PRELID2: variants seen among roughly 807,000 people sequenced by gnomAD.
The protein encoded by PRELID2 is PRELI domain-containing protein 2.
In PRELID2, 25 loss-of-function variants were observed where a neutral mutation model predicts 28.4. The observed-to-expected ratio is 0.88, with a 90% CI of 0.64 to 1.23. The LOEUF is 1.23. PRELID2 is among the 50% of genes most tolerant of loss of function. The pLI, the probability that PRELID2 is intolerant of heterozygous loss-of-function variation, is 0.00. For synonymous variants in PRELID2, 76 were observed against 71.6 expected (o/e 1.06, Z -0.31); for missense variants, 201 against 214.4 (o/e 0.94, Z 0.39).
At chr5:145,307,097 A>G in the PRELID2 span, among the ~76,000 whole-genome samples, 2 of 152,150 alleles carry the variant, frequency 1.3e-5, no homozygotes, top group Non-Finnish European at 2.9e-5. Context: ...ATTTTCTTCT[A>G]TTCCTTGCTT....
At chr5:145,737,431 A>C (rs1331522836) in intron 1 of PRELID2, among the ~76,000 whole-genome samples, 5 of 152,260 alleles carry the variant, frequency 3.3e-5, no homozygotes, top group Non-Finnish European at 5.9e-5. Context: ...TTATTTAAAA[A>C]AAAAACAAAA....
intron 1 of PRELID2, among the ~76,000 whole-genome samples, chr5:145,661,658 C>T (rs368026065): frequency 5.6e-4 from 46 of 81,564 alleles, no homozygotes; most frequent in African/African-American, 2.0e-3. Flanking sequence ...TAAAAACAAA[C>T]AAGCCATTAA....
At chr5:145,828,957 C>T (rs1403999592) in intron 1 of PRELID2, among the ~76,000 whole-genome samples, 1 of 151,530 alleles carries the variant, frequency 6.6e-6, no homozygotes, top group African/African-American at 2.4e-5. Context: ...CCTAACTCAG[C>T]CTCCCGAGTA....
chr5:145,784,626 T>C (rs1179402578), intron 5 of PRELID2, among the ~76,000 whole-genome samples: 1 of 152,138 alleles, frequency 6.6e-6, no homozygotes, highest in Non-Finnish European at 1.5e-5. Context: ...TTATTCATAA[T>C]AGTGAAGAAA....
At chr5:145,712,723 C>T (rs1231533308) in intron 1 of PRELID2, among the ~76,000 whole-genome samples, 1 of 151,756 alleles carries the variant, frequency 6.6e-6, no homozygotes, top group African/African-American at 2.4e-5. Context: ...AGATATGGCT[C>T]ACATGTTGAA....
intron 1 of PRELID2, among the ~76,000 whole-genome samples, chr5:145,624,374 T>C (rs573607806): frequency 3.9e-4 from 60 of 152,340 alleles, no homozygotes; most frequent in African/African-American, 1.3e-3. Context: ...TCCAGTCTTC[T>C]AATCATGTCT....
chr5:145,517,941 T>C (rs1166860561), intron 1 of PRELID2, among the ~76,000 whole-genome samples: 2 of 151,996 alleles, frequency 1.3e-5, no homozygotes, highest in Non-Finnish European at 2.9e-5. Context: ...TGTTGAACTA[T>C]GAGAACACAT....
chr5:145,749,110 C>T (rs909714820), intron 1 of PRELID2, among the ~76,000 whole-genome samples: 2 of 152,016 alleles, frequency 1.3e-5, no homozygotes, highest in Non-Finnish European at 2.9e-5. Context: ...GCAACAAAAG[C>T]CAAAATTGAC....
rs1181624545 is a variant in PRELID2, at chr5:145,553,182, ACC to A, written n.71-79869_71-79868del. ...TGAAATATATACCAGTTGCTAGAGG[ACC>A]CCCCCCCCCAAAAAAAAAGGGAGCT... is the stretch of plus-strand genomic sequence containing the variant. On this transcript the variant is annotated intron_variant and non_coding_transcript_variant, in intron 1 of 2. Coordinates refer to the PRELID2 transcript ENST00000510259. Among the ~76,000 whole-genome samples the A allele has an allele frequency of 2.2e-3, 236 of 106,656 alleles. 1 individual carries two copies. The highest frequency in any genetic ancestry group is 8.3e-3 in the African/African-American group (231 of 27,716). The allele number at this position is 106,656 out of a possible 152,430, so 70.0% of individuals were successfully genotyped here. A position where few individuals can be genotyped will look rare whatever the true frequency, so the allele number is the denominator to read the frequency against.
chr5:145,232,986 T>TAC, the PRELID2 span, among the ~76,000 whole-genome samples: 11 of 133,788 alleles, frequency 8.2e-5, no homozygotes, highest in African/African-American at 1.3e-4. Context: ...TATATATACG[T>TAC]GTGTGTGTGT....
At chr5:145,778,471 C>T (rs1420892656) in intron 5 of PRELID2, among the ~76,000 whole-genome samples, 2 of 152,210 alleles carry the variant, frequency 1.3e-5, no homozygotes, top group Non-Finnish European at 2.9e-5. Flanking sequence ...TTTTGTCTTA[C>T]TCATCCTCCA....
chr5:145,393,023 C>T, the PRELID2 span, among the ~76,000 whole-genome samples: 8 of 152,144 alleles, frequency 5.3e-5, no homozygotes, highest in African/African-American at 1.7e-4. Flanking sequence ...CTTTACCTGG[C>T]GAAGCACCAA....
At chr5:145,658,214 A>C (rs1242675885) in intron 1 of PRELID2, among the ~76,000 whole-genome samples, 1 of 152,238 alleles carries the variant, frequency 6.6e-6, no homozygotes, top group Admixed American at 6.5e-5. Flanking sequence ...TGAACAAAAA[A>C]ATGTTAAAGG....
intron 5 of PRELID2, among the ~76,000 whole-genome samples, chr5:145,784,703 C>T (rs4460183): frequency 0.83 from 126,076 of 151,806 alleles, 52,554 homozygotes; most frequent in East Asian, 0.91. Flanking sequence ...AATCATGTTT[C>T]CAAGGAATAT....
At chr5:145,456,407 AG>A in the PRELID2 span, among the ~76,000 whole-genome samples, 1 of 152,132 alleles carries the variant, frequency 6.6e-6, no homozygotes, top group African/African-American at 2.4e-5. Flanking sequence ...TTCACACTTT[AG>A]AGCCTCTGGA....
chr5:145,482,534 T>G (rs1020693011), intron 1 of PRELID2, among the ~76,000 whole-genome samples: 1 of 152,242 alleles, frequency 6.6e-6, no homozygotes, highest in Admixed American at 6.5e-5. Context: ...CCACATTATC[T>G]CACACAGCAG....
chr5:145,723,886 G>A (rs1336082219), intron 1 of PRELID2, among the ~76,000 whole-genome samples: 1 of 152,122 alleles, frequency 6.6e-6, no homozygotes, highest in Non-Finnish European at 1.5e-5. Context: ...AAAGACATTT[G>A]CATTAGGTTA....
At chr5:145,292,615 G>C in the PRELID2 span, among the ~76,000 whole-genome samples, 5 of 152,054 alleles carry the variant, frequency 3.3e-5, no homozygotes, top group East Asian at 9.6e-4. Flanking sequence ...GGTGGACCAG[G>C]GGCTGAATCT....
chr5:145,729,184 C>A, intron 1 of PRELID2: 1 of 686,768 alleles, frequency 1.5e-6, no homozygotes, highest in South Asian at 1.7e-5. Flanking sequence ...TCATTTGTAT[C>A]AGTGATGCTC....
Sources: allele counts gnomAD v4.1 joint callset (sites outside exome capture counted in the v4.1 genomes callset), GRCh38; gene constraint gnomAD v4.1.1; transcripts MANE v1.5; gene names NCBI Gene and HGNC (gene_info 2026-07-23, HGNC 2026-07-21).